RNF32: variants seen among roughly 807,000 people sequenced by gnomAD.
RNF32 encodes the protein ring finger protein 32.
RNF32 carries 36 observed loss-of-function variants against 41.0 expected under a neutral mutation model. The observed-to-expected ratio is 0.88, with a 90% CI of 0.67 to 1.16. The LOEUF (loss-of-function observed/expected upper bound fraction) is 1.16. Ranked by LOEUF, RNF32 falls within the 50% of genes most tolerant of loss-of-function variation. The pLI is 0.00. For missense variants in RNF32, 413 were observed against 436.7 expected (o/e 0.95, Z 0.48); for synonymous variants, 154 against 160.9 (o/e 0.96, Z 0.32).
intron 7 of RNF32, among the ~76,000 whole-genome samples, chr7:156,672,465 G>A (rs1802765150): frequency 6.6e-6 from 1 of 152,106 alleles, no homozygotes; most frequent in African/African-American, 2.4e-5. Flanking sequence ...TCATCAATAG[G>A]GCCACTTAGG....
upstream of RNF32, chr7:156,640,549 C>G (rs7788200): frequency 0.28 from 109,301 of 387,980 alleles, 16,987 homozygotes; most frequent in African/African-American, 0.47. Context: ...CGTCTAGACG[C>G]TGACGCCGTG....
intron 4 of RNF32, 37 bp downstream of exon 4, chr7:156,654,755 G>A: frequency 6.3e-7 from 1 of 1,592,352 alleles, no homozygotes; most frequent in Non-Finnish European, 8.6e-7. Context: ...AGAGCTCCTG[G>A]GCTGTTTCCT....
chr7:156,644,997 A>G (rs1797808547), intron 3 of RNF32, among the ~76,000 whole-genome samples: 1 of 152,222 alleles, frequency 6.6e-6, no homozygotes. Context: ...AGAAATATCT[A>G]TTGATTCACA....
chr7:156,663,035 C>G (rs1335806864), intron 7 of RNF32, among the ~76,000 whole-genome samples: 1 of 152,078 alleles, frequency 6.6e-6, no homozygotes, highest in East Asian at 1.9e-4. Flanking sequence ...GAGGTTTCAC[C>G]ATGTTAGCCA....
chr7:156,659,007 C>T (rs540707586), intron 7 of RNF32: 40 of 1,466,324 alleles, frequency 2.7e-5, no homozygotes, highest in South Asian at 2.0e-4. Context: ...TTGAGTACCT[C>T]GTGGGGTCAT....
chr7:156,663,333 ATATGTG>A (rs1800908730), intron 7 of RNF32, among the ~76,000 whole-genome samples: 1 of 152,218 alleles, frequency 6.6e-6, no homozygotes. Flanking sequence ...GTGTGTGCAC[ATATGTG>A]TATATGTTAT....
At chr7:156,655,196 CTGA>C (rs1405094994) in intron 4 of RNF32, among the ~76,000 whole-genome samples, 6 of 151,836 alleles carry the variant, frequency 4.0e-5, no homozygotes, top group Admixed American at 3.3e-4. Flanking sequence ...CATAGTAAGA[CTGA>C]TGATACTACT....
Position 156,644,568 on chromosome 7 carries a change from C to A in RNF32, c.85C>A (p.Leu29Ile), listed in dbSNP as rs1257038902. 3.1e-6 allele frequency: 5 copies of A among 1,612,564 alleles called. No homozygotes were observed. Among genetic ancestry groups the A allele is most frequent in the Admixed American group, 1.7e-5 (1 of 59,970 alleles). The change falls in exon 3 of 9, where the codon CTT becomes ATT. Residue 29 changes from leucine to isoleucine, a missense_variant. Coordinates refer to ENST00000317955, the MANE Select transcript of RNF32 (RefSeq NM_030936.4). ...VALQDHILHD[L>I]QLRNLSVADH... is the part of the protein sequence containing the mutation. The stretch of plus-strand genomic sequence containing the variant: ...TTTACAAGATCACATTTTACATGAT[C>A]TTCAACTTCGAAATCTTTCAGTTGC...
intron 5 of RNF32, 42 bp downstream of exon 5, chr7:156,657,615 G>T (rs764597490): frequency 6.3e-7 from 1 of 1,595,502 alleles, no homozygotes; most frequent in Non-Finnish European, 8.6e-7. Flanking sequence ...TGCACATGTC[G>T]CTCTCACAGT....
intron 7 of RNF32, chr7:156,660,116 G>C: frequency 3.0e-6 from 3 of 985,772 alleles, no homozygotes; most frequent in Non-Finnish European, 3.6e-6. Context: ...AGCCCTCATC[G>C]CTCGGAACGC....
chr7:156,675,791 T>G lies in RNF32; in HGVS notation c.780T>G (p.Ser260Arg). ...EIDQCLAINR[S>R]VLQQLEEKCG... is the part of the protein sequence containing the mutation. ...ATCAGTGCTTGGCCATAAATCGAAG[T>G]GTTCTTCAGCAGTTGGAAGAAAAAT... The change falls in exon 8 of 9, where the codon AGT becomes AGG. Residue 260 changes from serine to arginine, a missense_variant. Ser to Arg is a moderately radical substitution (Grantham distance 110, BLOSUM62 -1). Transcript: ENST00000317955. The G allele has an allele frequency of 6.2e-7, 1 of 1,614,082 alleles. No individual in the cohort carries two copies. Among genetic ancestry groups the G allele is most frequent in the Non-Finnish European group, 8.5e-7 (1 of 1,179,990 alleles).
intron 1 of RNF32, among the ~76,000 whole-genome samples, chr7:156,643,285 C>T (rs1372158409): frequency 2.0e-5 from 3 of 152,200 alleles, no homozygotes; most frequent in Non-Finnish European, 4.4e-5. Flanking sequence ...ATATTCTGTA[C>T]TTCTGTGTTC....
At chr7:156,658,974 AG>A (rs1563083311) in intron 7 of RNF32, 1 of 1,512,742 alleles carries the variant, frequency 6.6e-7, no homozygotes, top group East Asian at 2.5e-5. Context: ...ATAAAAATAA[AG>A]CCCCCACATG....
chr7:156,664,259 C>G (rs974731860), intron 7 of RNF32, among the ~76,000 whole-genome samples: 3 of 151,918 alleles, frequency 2.0e-5, no homozygotes, highest in African/African-American at 7.3e-5. Flanking sequence ...GTCGGGAGTT[C>G]GAGACCAGCC....
At chr7:156,644,404 T>C in intron 2 of RNF32, 95 bp from the exon 3 acceptor site, 1 of 912,888 alleles carries the variant, frequency 1.1e-6, no homozygotes. Context: ...TTTGGTTGTA[T>C]GTGCCATCAA....
At chr7:156,656,919 C>T (rs1220580855) in intron 4 of RNF32, among the ~76,000 whole-genome samples, 1 of 152,260 alleles carries the variant, frequency 6.6e-6, no homozygotes, top group Non-Finnish European at 1.5e-5. Context: ...TAAGTACCCA[C>T]TGCCTTCTTC....
At chr7:156,666,541 T>C (rs938778406) in intron 7 of RNF32, among the ~76,000 whole-genome samples, 22 of 152,232 alleles carry the variant, frequency 1.4e-4, no homozygotes, top group African/African-American at 2.9e-4. Flanking sequence ...GTGGTAAGAA[T>C]TGAAAAGGTC....
rs1799724619 is a variant in RNF32 at position 156,656,701 on chromosome 7, G to A, written c.418-840G>A. Among the ~76,000 whole-genome samples, 5 of 152,366 alleles carry A rather than the reference G, an allele frequency of 3.3e-5. No individual in the cohort carries two copies. The South Asian group carries it at 8.3e-4, about 25-fold the overall frequency. Reference sequence around the variant, plus strand: ...GCTGAGATTGAAACCTCACCCAGGAGTGCCCCAGACTGTGGTCACCCAAGT... The same window carrying A: ...GCTGAGATTGAAACCTCACCCAGGAATGCCCCAGACTGTGGTCACCCAAGT... On this transcript the variant is annotated intron_variant, in intron 4 of 8. Coordinates refer to ENST00000317955, the MANE Select transcript of RNF32 (RefSeq NM_030936.4).
Position 156,658,116 on chromosome 7 carries a change from G to A in RNF32, c.451-12G>A. The A allele has an allele frequency of 6.2e-7, 1 of 1,607,714 alleles. No homozygotes were observed. Among genetic ancestry groups the A allele is most frequent in the Non-Finnish European group, 8.5e-7 (1 of 1,177,906 alleles). ...TTACTTGTAAAATTTTAAGTGAAAT[G>A]TTTTTCTTCAGGCATGTCTTCAGGC... On this transcript the variant is annotated splice_polypyrimidine_tract_variant and intron_variant, in intron 5 of 8. Coordinates refer to ENST00000317955, the MANE Select transcript of RNF32 (RefSeq NM_030936.4).
Sources: allele counts gnomAD v4.1 joint callset (sites outside exome capture counted in the v4.1 genomes callset), GRCh38; gene constraint gnomAD v4.1.1; transcripts MANE v1.5; gene names NCBI Gene and HGNC (gene_info 2026-07-23, HGNC 2026-07-21).